The following INTS5 variants were observed in gnomAD, a reference collection of about 807,000 sequenced individuals.
INTS5 encodes the protein KIAA1698.
Under a neutral mutation model 60.0 loss-of-function variants are expected in INTS5, and 29 were observed. The observed-to-expected ratio is 0.48, with a 90% CI of 0.36 to 0.66. The LOEUF is 0.66. Among genes scored for constraint, INTS5 ranks in the 30% least tolerant of loss-of-function variants. The pLI, the probability that INTS5 is intolerant of heterozygous loss-of-function variation, is 0.00. For missense variants in INTS5, 1,129 were observed against 1,307.9 expected (o/e 0.86, Z 2.11); for synonymous variants, 588 against 558.8 (o/e 1.05, Z -0.74).
Position 62,649,802 on chromosome 11 carries a change from T to A in INTS5, c.278A>T (p.Asp93Val). 1.2e-6 allele frequency: 2 copies of A among 1,614,082 alleles called. No homozygotes were observed. Among genetic ancestry groups the A allele is most frequent in the African/African-American group, 2.7e-5 (2 of 75,026 alleles). Residue 93 changes from aspartate to valine, a missense_variant, in exon 2 of 2, where the codon GAT becomes GTT. Physicochemically the swap from Asp to Val is radical, Grantham distance 152. Around this residue, in one of 3 missense-constraint regions of INTS5, gnomAD observed 1,070 missense variants for 1,246.1 expected, o/e 0.86. Coordinates refer to ENST00000330574, the MANE Select transcript of INTS5 (RefSeq NM_030628.2). The surrounding 1 kb of genome is among the most constrained non-coding windows in gnomAD (Gnocchi z 6.0). ...AGGTGGACCAGCCACAGGGGTTTCA[T>A]CCAGGGCAGCCAGGTGGGCCCGGAC... is the stretch of plus-strand genomic sequence containing the variant. ...ESVRAHLAALDETPVAGPPHL... is the reference protein window; with the variant it reads ...ESVRAHLAALVETPVAGPPHL...
rs1468989849 is a variant in INTS5, at chr11:62,647,599, T to C, written c.2481A>G (p.Ala827=). The C allele has an allele frequency of 5.6e-6, 9 of 1,613,888 alleles. No individual in the cohort carries two copies. The highest frequency in any genetic ancestry group is 4.5e-5 in the East Asian group (2 of 44,902). The change falls in exon 2 of 2, where the codon GCA becomes GCG. Residue 827 remains alanine (A), a synonymous_variant. Coordinates refer to ENST00000330574, the MANE Select transcript of INTS5 (RefSeq NM_030628.2). ...VESVCPDAAG[A]ELAWPPEEHA... ...GTTCCTCGGGGGGCCAGGCCAGCTC[T>C]GCACCAGCTGCATCGGGACACACAC...
Position 62,647,123 on chromosome 11 carries a change from G to A in INTS5, c.2957C>T (p.Ala986Val), listed in dbSNP as rs1362974892. The A allele has an allele frequency of 6.2e-7, 1 of 1,614,182 alleles. No homozygotes were observed. The highest frequency in any genetic ancestry group is 2.2e-5 in the East Asian group (1 of 44,874). The change falls in exon 2 of 2, where the codon GCT becomes GTT. Residue 986 changes from alanine (A) to valine (V), a missense_variant. Ala to Val is a moderately conservative substitution (Grantham distance 64). Transcript: ENST00000330574. ...GCGGTGGAGGACACTGTGCAGCACAGCCAGATGGGGTCCACCCTCACCTCC... is the reference window on the plus strand; with the variant it reads ...GCGGTGGAGGACACTGTGCAGCACAACCAGATGGGGTCCACCCTCACCTCC... ...EGGGEGGPHL[A>V]VLHSVLHRNI...
Position 62,647,094 on chromosome 11 carries a change from T to C in INTS5, c.2986A>G (p.Ile996Val), listed in dbSNP as rs917044884. The C allele has an allele frequency of 6.2e-7, 1 of 1,614,152 alleles. No homozygotes were observed. The change falls in exon 2 of 2, where the codon ATC becomes GTC. Residue 996 changes from isoleucine to valine, a missense_variant. Ile to Val is a conservative substitution (Grantham distance 29). Around this residue, in one of 3 missense-constraint regions of INTS5, gnomAD observed 1,070 missense variants for 1,246.1 expected, o/e 0.86. Coordinates refer to ENST00000330574, the MANE Select transcript of INTS5 (RefSeq NM_030628.2). ...CCAGAGAAAAGACCTAGGCGGTCGA[T>C]GTTGCGGTGGAGGACACTGTGCAGC... The part of the protein sequence containing the change: ...AVLHSVLHRN[I>V]DRLGLFSGRF...
rs779346825 is a variant in INTS5 at position 62,648,395 on chromosome 11, T to G, written c.1685A>C (p.His562Pro). ...GAAGGGAGGCTGTAATGTCCCTGCA[T>G]GCACCCGAGCCAGACAGCTTCGGAA... ...LAFRSCLARVHAGTLQPPFTA... is the reference protein window; with the variant it reads ...LAFRSCLARVPAGTLQPPFTA... Residue 562 changes from histidine to proline, a missense_variant, in exon 2 of 2, where the codon CAT (histidine) becomes CCT (proline). Transcript: ENST00000330574. This position sits in a 1 kb window ranked among gnomAD's most constrained non-coding sequence, Gnocchi z 4.4. 1 of 1,614,058 alleles carries G rather than the reference T, an allele frequency of 6.2e-7. No homozygotes were observed. The highest frequency in any genetic ancestry group is 8.5e-7 in the Non-Finnish European group (1 of 1,180,040).
At position 62,647,951 on chromosome 11, in the gene INTS5, T is replaced by A; in HGVS notation, c.2129A>T (p.Asp710Val). The A allele has an allele frequency of 6.2e-7, 1 of 1,614,190 alleles. No homozygotes were observed. ...AACTGAGAGAGTCTCATTGTCCCCATCTACTTGCCCACCAAACAGTTCTGT... is the reference window on the plus strand; with the variant it reads ...AACTGAGAGAGTCTCATTGTCCCCAACTACTTGCCCACCAAACAGTTCTGT... Reference protein sequence around the residue: ...GNTELFGGQVDGDNETLSVVS... With the variant: ...GNTELFGGQVVGDNETLSVVS... The change falls in exon 2 of 2, where the codon GAT (aspartate) becomes GTT (valine). Residue 710 changes from aspartate (D) to valine (V), a missense_variant. By Grantham distance (152) the Asp-to-Val change is radical. This residue lies in a region of INTS5 where 1,070 missense variants were observed against 1,246.1 expected (regional missense o/e 0.86). Transcript: ENST00000330574.
chr11:62,649,160 T>G lies in INTS5; in HGVS notation c.920A>C (p.Asp307Ala). Residue 307 changes from aspartate (D) to alanine (A), a missense_variant, in exon 2 of 2, where the codon GAT becomes GCT. Physicochemically the swap from Asp to Ala is moderately radical, Grantham distance 126. Around this residue, in one of 3 missense-constraint regions of INTS5, gnomAD observed 1,070 missense variants for 1,246.1 expected, o/e 0.86. Coordinates refer to ENST00000330574, the MANE Select transcript of INTS5 (RefSeq NM_030628.2). This position sits in a 1 kb window ranked among gnomAD's most constrained non-coding sequence, Gnocchi z 6.0. The part of the protein sequence containing the change: ...ILGHLASRHG[D>A]SIRRELLRMF... ...TCGCAGGAGCTCCCGTCGGATGCTATCTCCGTGGCGGGAGGCCAGGTGACC... is the reference window on the plus strand; with the variant it reads ...TCGCAGGAGCTCCCGTCGGATGCTAGCTCCGTGGCGGGAGGCCAGGTGACC... The G allele has an allele frequency of 6.2e-7, 1 of 1,613,558 alleles. No homozygotes were observed. Among genetic ancestry groups the G allele is most frequent in the Non-Finnish European group, 8.5e-7 (1 of 1,179,562 alleles).
chr11:62,647,759 T>C lies in INTS5; in HGVS notation c.2321A>G (p.Tyr774Cys), dbSNP rs777349589. 3 of 1,614,204 alleles carry C rather than the reference T, an allele frequency of 1.9e-6. No individual in the cohort carries two copies. Among genetic ancestry groups the C allele is most frequent in the South Asian group, 1.1e-5 (1 of 91,090 alleles). Reference protein sequence around the residue: ...VQSRNQQEVIYNTQSLLSLLV... With the variant: ...VQSRNQQEVICNTQSLLSLLV... ...GAGGCTGAGGAGGCTCTGGGTGTTATAGATCACTTCCTGCTGATTTCGTGA... is the reference window on the plus strand; with the variant it reads ...GAGGCTGAGGAGGCTCTGGGTGTTACAGATCACTTCCTGCTGATTTCGTGA... The change falls in exon 2 of 2, where the codon TAT (tyrosine) becomes TGT (cysteine). Residue 774 changes from tyrosine (Y) to cysteine (C), a missense_variant. By Grantham distance (194) the Tyr-to-Cys change is radical. Transcript: ENST00000330574.
Position 62,646,864 on chromosome 11 carries a change from G to T in INTS5, c.*156C>A. ...GCACTGGACTGGTTTTCTCAAGTTGGCAAATTTTATTTAGAAAAAAAAAAG... is the reference window on the plus strand; with the variant it reads ...GCACTGGACTGGTTTTCTCAAGTTGTCAAATTTTATTTAGAAAAAAAAAAG... On this transcript the variant is annotated 3_prime_UTR_variant, in exon 2 of 2. Transcript: ENST00000330574. 1 of 776,570 alleles carries T rather than the reference G, an allele frequency of 1.3e-6. No individual in the cohort carries two copies. Among genetic ancestry groups the T allele is most frequent in the Non-Finnish European group, 2.0e-6 (1 of 491,910 alleles). 48.1% of individuals were successfully genotyped at this position (776,570 alleles called of 1,614,324 possible). A position where few individuals can be genotyped will look rare whatever the true frequency, so the allele number is the denominator to read the frequency against.
At position 62,648,323 on chromosome 11, in the gene INTS5, T is replaced by C; in HGVS notation, c.1757A>G (p.Gln586Arg). 1 of 1,613,952 alleles carries C rather than the reference T, an allele frequency of 6.2e-7. No individual in the cohort carries two copies. The highest frequency in any genetic ancestry group is 8.5e-7 in the Non-Finnish European group (1 of 1,180,014). ...GGCTGCAGGGCCCTCGCCACCCTGCTGTTCCCACCCTACTAGCAGTGCCAA... is the reference window on the plus strand; with the variant it reads ...GGCTGCAGGGCCCTCGCCACCCTGCCGTTCCCACCCTACTAGCAGTGCCAA... Reference protein sequence around the residue: ...RNLALLVGWEQQGGEGPAALG... With the variant: ...RNLALLVGWERQGGEGPAALG... Residue 586 changes from glutamine (Q) to arginine (R), a missense_variant, in exon 2 of 2, where the codon CAG becomes CGG. Coordinates refer to ENST00000330574, the MANE Select transcript of INTS5 (RefSeq NM_030628.2). This position sits in a 1 kb window ranked among gnomAD's most constrained non-coding sequence, Gnocchi z 4.4.
In INTS5 at chr11:62,648,531, C is replaced by T. The variant is rs1944564952; in HGVS notation, c.1549G>A (p.Glu517Lys). The change falls in exon 2 of 2, where the codon GAG becomes AAG. Residue 517 changes from glutamate to lysine, a missense_variant. Glu to Lys is a moderately conservative substitution (Grantham distance 56). This residue lies in a region of INTS5 where 1,070 missense variants were observed against 1,246.1 expected (regional missense o/e 0.86). Transcript: ENST00000330574. This position sits in a 1 kb window ranked among gnomAD's most constrained non-coding sequence, Gnocchi z 4.4. ...CGGCTCAGCAGATGGCCCAAGGCCT[C>T]AGGTCCACAGCTAGGCCGGGTATAG... ...SVYTRPSCGP[E>K]ALGHLLSRAR... 1 of 1,614,084 alleles carries T rather than the reference C, an allele frequency of 6.2e-7. No individual in the cohort carries two copies. The highest frequency in any genetic ancestry group is 1.3e-5 in the African/African-American group (1 of 74,952).
Position 62,648,402 on chromosome 11 carries a change from G to C in INTS5, c.1678C>G (p.Arg560Gly). 6.2e-7 allele frequency: 1 copy of C among 1,614,154 alleles called. No individual in the cohort carries two copies. Among genetic ancestry groups the C allele is most frequent in the Non-Finnish European group, 8.5e-7 (1 of 1,180,026 alleles). Residue 560 changes from arginine to glycine, a missense_variant, in exon 2 of 2, where the codon CGG becomes GGG. Arg to Gly is a moderately radical substitution (Grantham distance 125). Coordinates refer to ENST00000330574, the MANE Select transcript of INTS5 (RefSeq NM_030628.2). The surrounding 1 kb of genome is among the most constrained non-coding windows in gnomAD (Gnocchi z 4.4). ...GGCTGTAATGTCCCTGCATGCACCC[G>C]AGCCAGACAGCTTCGGAAAGCCAGG... ...LPLAFRSCLA[R>G]VHAGTLQPPF...
intron 1 of INTS5, among the ~76,000 whole-genome samples, chr11:62,652,459 C>A (rs185617212): frequency 1.3e-5 from 2 of 150,508 alleles, no homozygotes; most frequent in Non-Finnish European, 3.0e-5. Flanking sequence ...TAAGGGCTCT[C>A]CCTCCTAACA....
intron 1 of INTS5, among the ~76,000 whole-genome samples, chr11:62,651,215 A>C (rs1944589957): frequency 6.6e-6 from 1 of 151,816 alleles, no homozygotes; most frequent in Admixed American, 6.6e-5. Flanking sequence ...GGTTCACGCC[A>C]TTCTCCTGCC....
At position 62,648,053 on chromosome 11, in the gene INTS5, C is replaced by T. The variant is rs766297241; in HGVS notation, c.2027G>A (p.Arg676His). 1.9e-5 allele frequency: 31 copies of T among 1,613,980 alleles called. No individual in the cohort carries two copies. Among genetic ancestry groups the T allele is most frequent in the Non-Finnish European group, 2.5e-5 (30 of 1,179,998 alleles). ...GVASACQLLTRLSQTSPAGLK... is the reference protein window; with the variant it reads ...GVASACQLLTHLSQTSPAGLK... ...CCCAGCTGGGGATGTCTGAGACAGG[C>T]GGGTGAGAAGCTGACAGGCTGAGGC... Residue 676 changes from arginine (R) to histidine (H), a missense_variant, in exon 2 of 2, where the codon CGC becomes CAC. Around this residue, in one of 3 missense-constraint regions of INTS5, gnomAD observed 1,070 missense variants for 1,246.1 expected, o/e 0.86. Transcript: ENST00000330574. The surrounding 1 kb of genome is among the most constrained non-coding windows in gnomAD (Gnocchi z 4.4).
chr11:62,651,021 C>T (rs1944588452), intron 1 of INTS5, among the ~76,000 whole-genome samples: 1 of 151,970 alleles, frequency 6.6e-6, no homozygotes, highest in African/African-American at 2.4e-5. Context: ...TTATAAAGCA[C>T]TTAAGTTCTG....
At chr11:62,653,068 C>G (rs1944608851) in intron 1 of INTS5, 102 bp downstream of exon 1, 2 of 715,236 alleles carry the variant, frequency 2.8e-6, no homozygotes, top group Non-Finnish European at 4.0e-6. Context: ...ATCTGAGAAC[C>G]CTGACGTGAG....
Position 62,649,269 on chromosome 11 carries a change from G to A in INTS5, c.811C>T (p.Pro271Ser). The change falls in exon 2 of 2, where the codon CCC becomes TCC. Residue 271 changes from proline (P) to serine (S), a missense_variant. Coordinates refer to ENST00000330574, the MANE Select transcript of INTS5 (RefSeq NM_030628.2). The surrounding 1 kb of genome is among the most constrained non-coding windows in gnomAD (Gnocchi z 6.0). ...GSSGGSSSQT[P>S]STDPFPGSPA... ...GATCCAGGGAAGGGGTCTGTAGAGGGGGTCTGAGAAGAGCTTCCACCACTA... is the reference window on the plus strand; with the variant it reads ...GATCCAGGGAAGGGGTCTGTAGAGGAGGTCTGAGAAGAGCTTCCACCACTA... 6.2e-7 allele frequency: 1 copy of A among 1,614,092 alleles called. No individual in the cohort carries two copies. The highest frequency in any genetic ancestry group is 8.5e-7 in the Non-Finnish European group (1 of 1,180,008).
chr11:62,647,019 G>T lies in INTS5; in HGVS notation c.*1C>A. 1 of 1,606,454 alleles carries T rather than the reference G, an allele frequency of 6.2e-7. No homozygotes were observed. The highest frequency in any genetic ancestry group is 1.1e-5 in the South Asian group (1 of 90,798). On this transcript the variant is annotated 3_prime_UTR_variant, in exon 2 of 2. Transcript: ENST00000330574. Reference sequence around the variant, plus strand: ...CCCTGGGCTTCCAGAGCAAGAAAAGGCTACGTCCCCTGTCGAAGGAGAGTG... The same window carrying T: ...CCCTGGGCTTCCAGAGCAAGAAAAGTCTACGTCCCCTGTCGAAGGAGAGTG...
rs565192998 is a variant in INTS5 at position 62,647,859 on chromosome 11, C to G, written c.2221G>C (p.Gly741Arg). Residue 741 changes from glycine (G) to arginine (R), a missense_variant, in exon 2 of 2, where the codon GGT becomes CGT. Gly to Arg is a moderately radical substitution (Grantham distance 125). Coordinates refer to ENST00000330574, the MANE Select transcript of INTS5 (RefSeq NM_030628.2). ...AAAACTGACCAAATCCCTCCAGGAC[C>G]TGGCACAGCTGCAGTGTGCCTCCGG... ...TNRRHTAAVP[G>R]PGGIWSVFHA... 11 of 1,614,224 alleles carry G rather than the reference C, an allele frequency of 6.8e-6. No homozygotes were observed. The South Asian group carries it at 1.1e-4, about 16-fold the overall frequency.
Sources: gnomAD v4.1 joint callset for allele counts (sites outside exome capture counted in the v4.1 genomes callset) on GRCh38, gnomAD v4.1.1 for gene constraint, gnomAD v4.1.1 regional missense constraint, Gnocchi (gnomAD v3.1) non-coding constraint, MANE v1.5 for transcripts, NCBI Gene and HGNC (gene_info 2026-07-23, HGNC 2026-07-21) for gene names.